The following DGKB variants were observed in gnomAD, a reference collection of about 807,000 sequenced individuals.
DGKB encodes the protein diacylglycerol kinase beta.
DGKB carries 67 observed loss-of-function variants against 114.3 expected under a neutral mutation model. The ratio of observed to expected loss-of-function variants is 0.59; its 90% CI spans 0.48 to 0.72. DGKB has a LOEUF of 0.72. Among genes scored for constraint, DGKB ranks in the 30% least tolerant of loss-of-function variants. The pLI is 0.00. For missense variants in DGKB, 907 were observed against 975.2 expected (o/e 0.93, Z 0.93); for synonymous variants, 398 against 323.1 (o/e 1.23, Z -2.49).
chr7:14,936,348 A>C (rs1785271454), intron 1 of DGKB, among the ~76,000 whole-genome samples: 1 of 152,274 alleles, frequency 6.6e-6, no homozygotes, highest in Middle Eastern at 3.4e-3. Context: ...GCATGAGGTC[A>C]TTACTTTTTG....
At chr7:14,151,381 C>G (rs781286952) in intron 25 of DGKB, among the ~76,000 whole-genome samples, 1 of 151,206 alleles carries the variant, frequency 6.6e-6, no homozygotes, top group Non-Finnish European at 1.5e-5. Context: ...TAATTATTAT[C>G]TATAAGACTT....
At chr7:14,931,939 C>T (rs893420486) in intron 1 of DGKB, among the ~76,000 whole-genome samples, 2 of 152,138 alleles carry the variant, frequency 1.3e-5, no homozygotes, top group Non-Finnish European at 2.9e-5. Flanking sequence ...CCATTCCCTG[C>T]TCAAGCCCTG....
At chr7:14,399,248 CA>C (rs1045647930) in intron 21 of DGKB, among the ~76,000 whole-genome samples, 1 of 151,468 alleles carries the variant, frequency 6.6e-6, no homozygotes, top group Non-Finnish European at 1.5e-5. Context: ...GTACAGAAAA[CA>C]AAATGTTAGT....
At chr7:14,693,243 G>A (rs1823201246) in intron 9 of DGKB, among the ~76,000 whole-genome samples, 1 of 151,944 alleles carries the variant, frequency 6.6e-6, no homozygotes, top group Non-Finnish European at 1.5e-5. Context: ...AAGTAGACAT[G>A]TTATTCTATA....
At chr7:14,760,645 T>G (rs912742360) in intron 2 of DGKB, among the ~76,000 whole-genome samples, 1 of 151,968 alleles carries the variant, frequency 6.6e-6, no homozygotes, top group African/African-American at 2.4e-5. Context: ...TTCTGGAATA[T>G]CATATCTCGA....
At chr7:14,890,264 A>G (rs1173235218) in intron 1 of DGKB, among the ~76,000 whole-genome samples, 2 of 151,532 alleles carry the variant, frequency 1.3e-5, no homozygotes, top group Admixed American at 6.6e-5. Context: ...CAGATATTTA[A>G]AAGTTATTCC....
At chr7:14,712,483 C>T (rs1303839509) in intron 6 of DGKB, among the ~76,000 whole-genome samples, 3 of 151,946 alleles carry the variant, frequency 2.0e-5, no homozygotes, top group Admixed American at 1.3e-4. Context: ...AGCAGCCTGA[C>T]CAACATGGTG....
intron 1 of DGKB, among the ~76,000 whole-genome samples, chr7:14,846,145 T>G (rs1848600422): frequency 6.6e-6 from 1 of 152,216 alleles, no homozygotes; most frequent in Non-Finnish European, 1.5e-5. Context: ...TACCCCTATT[T>G]GCATTTTGAC....
chr7:14,583,275 A>G, intron 17 of DGKB, 138 bp from the exon 18 acceptor site: 1 of 528,568 alleles, frequency 1.9e-6, no homozygotes, highest in Non-Finnish European at 3.3e-6. Context: ...GATAACTTAC[A>G]TATCCTTTAA....
At chr7:14,183,516 T>C (rs114594597) in intron 23 of DGKB, among the ~76,000 whole-genome samples, 1,762 of 152,242 alleles carry the variant, frequency 0.012, 28 homozygotes, top group African/African-American at 0.039. Flanking sequence ...AAGGAGAAAC[T>C]GTATGGGGAA....
intron 20 of DGKB, among the ~76,000 whole-genome samples, chr7:14,534,100 C>A (rs972686438): frequency 6.6e-5 from 10 of 151,920 alleles, no homozygotes; most frequent in African/African-American, 2.4e-4. Flanking sequence ...ACTATCACCA[C>A]AAATTTTGTT....
At chr7:14,720,285 C>T (rs1828921169) in intron 5 of DGKB, among the ~76,000 whole-genome samples, 1 of 151,916 alleles carries the variant, frequency 6.6e-6, no homozygotes, top group Non-Finnish European at 1.5e-5. Flanking sequence ...TTGGGTCTTT[C>T]CATCCTTTTT....
At chr7:14,365,132 C>T (rs1816444564) in intron 21 of DGKB, among the ~76,000 whole-genome samples, 1 of 151,400 alleles carries the variant, frequency 6.6e-6, no homozygotes, top group Non-Finnish European at 1.5e-5. Context: ...TTTTTATCGC[C>T]TCCACAGTGG....
rs1827007242 is a variant in DGKB, at chr7:14,709,760, G to A, written c.467-8030C>T. 4.9e-5 allele frequency among the ~76,000 whole-genome samples: 7 copies of A among 142,196 alleles called. 1 individual carries two copies. In the South Asian group the frequency reaches 1.6e-3, roughly 33 times the overall value. The allele number at this position is 142,196 out of a possible 152,430, so 93.3% of individuals were successfully genotyped here. On this transcript the variant is annotated intron_variant, in intron 6 of 25. Coordinates refer to ENST00000402815, the MANE Select transcript of DGKB (RefSeq NM_001350709.2). ...ATATTCTCACTCAGAGGTGGGAATT[G>A]AACAATGAGATCACATGGACACAGG...
intron 23 of DGKB, among the ~76,000 whole-genome samples, chr7:14,333,771 A>T (rs1056931168): frequency 6.6e-6 from 1 of 152,226 alleles, no homozygotes. Context: ...TGGTTAAAAA[A>T]TACCTTTCAA....
rs116240904 is a variant in DGKB, at chr7:14,789,711, C to T, written c.71-31980G>A. Among the ~76,000 whole-genome samples, 935 of 138,966 alleles carry T rather than the reference C, an allele frequency of 6.7e-3. 3 individuals are homozygous for T. The highest frequency in any genetic ancestry group is 0.027 in the African/African-American group (895 of 33,318). 91.2% of individuals were successfully genotyped at this position (138,966 alleles called of 152,430 possible). A position where few individuals can be genotyped will look rare whatever the true frequency, so the allele number is the denominator to read the frequency against. On this transcript the variant is annotated intron_variant, in intron 2 of 25. Transcript: ENST00000402815. ...TGGGACTTACAGGTGCATGTTACCA[C>T]ATCTGGCTAATTTAAAAAAAAATTT...
At chr7:14,440,871 C>G (rs538748239) in intron 21 of DGKB, among the ~76,000 whole-genome samples, 15 of 152,228 alleles carry the variant, frequency 9.9e-5, no homozygotes, top group Non-Finnish European at 2.2e-4. Flanking sequence ...CTACCTGATT[C>G]ATGCCAACAC....
At chr7:14,548,038 A>G (rs1256623192) in intron 20 of DGKB, among the ~76,000 whole-genome samples, 1 of 152,208 alleles carries the variant, frequency 6.6e-6, no homozygotes, top group East Asian at 1.9e-4. Context: ...CTTTATCTAT[A>G]CCTAGAAAGT....
intron 23 of DGKB, among the ~76,000 whole-genome samples, chr7:14,238,881 T>C (rs1584651849): frequency 6.6e-6 from 1 of 152,202 alleles, no homozygotes; most frequent in East Asian, 1.9e-4. Context: ...TCTTACATTT[T>C]TAAAAAATAA....
Sources: allele counts gnomAD v4.1 joint callset (sites outside exome capture counted in the v4.1 genomes callset), GRCh38; gene constraint gnomAD v4.1.1; transcripts MANE v1.5; gene names NCBI Gene and HGNC (gene_info 2026-07-23, HGNC 2026-07-21).